The following RNF216 variants were observed in gnomAD, a reference collection of about 807,000 sequenced individuals.
RNF216 encodes E3 ubiquitin-protein ligase RNF216.
A neutral mutation model predicts 110.8 loss-of-function variants in RNF216; 72 were observed. That is an observed-to-expected ratio of 0.65 (90% CI 0.54 to 0.79). RNF216 has a LOEUF of 0.79. RNF216 is among the 30% of genes least tolerant of loss of function. The probability of loss-of-function intolerance (pLI) is 0.00; values close to 1 mark genes in which losing one functional copy is unlikely to be tolerated. For missense variants in RNF216, 1,342 were observed against 1,141.2 expected (o/e 1.18, Z -2.54); for synonymous variants, 495 against 407.5 (o/e 1.21, Z -2.59).
In RNF216 at chr7:5,752,947, T is replaced by C. The variant is rs61753532; in HGVS notation, c.100A>G (p.Ile34Val). ...CTTTCCTCATCTGAGGAGTCAGATA[T>C]GGTGATGGGCCCATCTCGGAGATTG... Reference protein sequence around the residue: ...WINLRDGPITISDSSDEERIP... With the variant: ...WINLRDGPITVSDSSDEERIP... Residue 34 changes from isoleucine (I) to valine (V), a missense_variant, in exon 3 of 17, where the codon ATA becomes GTA. Physicochemically the swap from Ile to Val is conservative, Grantham distance 29 (BLOSUM62 3). Transcript: ENST00000389902. 5.6e-6 allele frequency: 9 copies of C among 1,611,832 alleles called. No homozygotes were observed. Among genetic ancestry groups the C allele is most frequent in the African/African-American group, 1.3e-5 (1 of 74,896 alleles).
chr7:5,716,805 A>G (rs751484279), intron 9 of RNF216, 39 bp from the exon 10 acceptor site: 2 of 1,532,564 alleles, frequency 1.3e-6, no homozygotes, highest in South Asian at 1.2e-5. Flanking sequence ...ACACAAATTT[A>G]GTAAAAATGA....
intron 4 of RNF216, 122 bp from the exon 5 acceptor site, chr7:5,739,474 G>T (rs767134350): frequency 1.0e-6 from 1 of 959,974 alleles, no homozygotes; most frequent in African/African-American, 1.6e-5. Context: ...CTGTGAAGCA[G>T]GTCTGTGTGT....
At chr7:5,654,143 G>A (rs563611135) in intron 13 of RNF216, among the ~76,000 whole-genome samples, 23 of 152,286 alleles carry the variant, frequency 1.5e-4, no homozygotes, top group African/African-American at 5.3e-4. Flanking sequence ...TCAGGAGAGA[G>A]GCCATGAAGG....
At chr7:5,747,481 C>A (rs1201316747) in intron 3 of RNF216, among the ~76,000 whole-genome samples, 3 of 152,158 alleles carry the variant, frequency 2.0e-5, no homozygotes, top group African/African-American at 7.2e-5. Context: ...CAGACGTGAC[C>A]CTTAGAAAGC....
At chr7:5,769,041 GAT>G (rs1479218744) in intron 1 of RNF216, among the ~76,000 whole-genome samples, 1 of 150,682 alleles carries the variant, frequency 6.6e-6, no homozygotes, top group African/African-American at 2.4e-5. Context: ...TAAACTGAAA[GAT>G]AATGAAAACA....
intron 1 of RNF216, among the ~76,000 whole-genome samples, chr7:5,767,922 G>A (rs1423783354): frequency 4.6e-5 from 7 of 152,070 alleles, no homozygotes; most frequent in Non-Finnish European, 7.4e-5. Flanking sequence ...TAAAGGTCAA[G>A]CCCAACCAAA....
rs1283021845 is a variant in RNF216 at position 5,771,406 on chromosome 7, C to A, written c.-70+10135G>T. On this transcript the variant is annotated intron_variant, in intron 1 of 16. Coordinates refer to ENST00000389902, the MANE Select transcript of RNF216 (RefSeq NM_207111.4). ...TAAAAGAAAAAACTGAAACACTATA[C>A]ATTAAAATTAAGCATGTCTACTCAC... Among the ~76,000 whole-genome samples the A allele has an allele frequency of 3.3e-5, 5 of 152,128 alleles. No homozygotes were observed. The East Asian group carries it at 7.7e-4, about 23-fold the overall frequency.
intron 10 of RNF216, 39 bp downstream of exon 10, chr7:5,716,677 G>A: frequency 6.5e-7 from 1 of 1,529,724 alleles, no homozygotes; most frequent in Non-Finnish European, 8.9e-7. Context: ...AACAGCCCAT[G>A]AAAATGCCCA....
chr7:5,732,180 TG>T (rs1267206191), intron 5 of RNF216, among the ~76,000 whole-genome samples: 1 of 152,194 alleles, frequency 6.6e-6, no homozygotes, highest in Admixed American at 6.5e-5. Context: ...TTGTCATCAG[TG>T]GTAATTCTCC....
intron 1 of RNF216, among the ~76,000 whole-genome samples, 152 bp downstream of exon 1, chr7:5,781,389 C>A (rs1797081982): frequency 6.6e-6 from 1 of 151,892 alleles, no homozygotes; most frequent in Non-Finnish European, 1.5e-5. Context: ...CGATCCCGCC[C>A]GGGCCTCGGC....
intron 1 of RNF216, among the ~76,000 whole-genome samples, chr7:5,773,304 GCA>G: frequency 6.7e-6 from 1 of 149,914 alleles, no homozygotes; most frequent in South Asian, 2.1e-4. Context: ...GTGCAGTGGT[GCA>G]ATCTCAGCTC....
intron 1 of RNF216, among the ~76,000 whole-genome samples, chr7:5,774,807 G>T (rs1796687092): frequency 6.6e-6 from 1 of 151,834 alleles, no homozygotes; most frequent in Non-Finnish European, 1.5e-5. Flanking sequence ...TGCCCAGGCT[G>T]GAGTGCAATG....
intron 13 of RNF216, among the ~76,000 whole-genome samples, chr7:5,701,552 C>T (rs910713530): frequency 2.0e-5 from 3 of 152,220 alleles, no homozygotes; most frequent in Non-Finnish European, 2.9e-5. Flanking sequence ...AAAAGCTCTA[C>T]GAGGTAGGTG....
In RNF216 at chr7:5,689,434, C is replaced by T. The variant is rs201147881; in HGVS notation, c.2061+22327G>A. Reference sequence around the variant, plus strand: ...ATCCAAAGCCGAGGAGGCAGGGCGCCTAGAAACCCACATCCCTTCTGTTGT... The same window carrying T: ...ATCCAAAGCCGAGGAGGCAGGGCGCTTAGAAACCCACATCCCTTCTGTTGT... On this transcript the variant is annotated intron_variant, in intron 13 of 16. Coordinates refer to ENST00000389902, the MANE Select transcript of RNF216 (RefSeq NM_207111.4). Among the ~76,000 whole-genome samples, 4 of 150,922 alleles carry T rather than the reference C, an allele frequency of 2.7e-5. No individual in the cohort carries two copies. In the East Asian group the frequency reaches 7.8e-4, roughly 29 times the overall value.
chr7:5,673,403 G>T (rs1244463498), intron 13 of RNF216, among the ~76,000 whole-genome samples: 1 of 152,228 alleles, frequency 6.6e-6, no homozygotes, highest in African/African-American at 2.4e-5. Context: ...GCAGGCAGGT[G>T]GGGGACTGGC....
At chr7:5,632,316 C>T (rs1432967932) in intron 15 of RNF216, among the ~76,000 whole-genome samples, 1 of 152,182 alleles carries the variant, frequency 6.6e-6, no homozygotes, top group East Asian at 1.9e-4. Context: ...CTGGCACAGG[C>T]CTTAAGAAGG....
intron 13 of RNF216, among the ~76,000 whole-genome samples, chr7:5,676,097 C>G (rs963989568): frequency 6.6e-6 from 1 of 151,864 alleles, no homozygotes; most frequent in Non-Finnish European, 1.5e-5. Flanking sequence ...CTGTAACCTT[C>G]GTCTCCCAGG....
At chr7:5,637,740 A>G (rs938655358) in intron 15 of RNF216, among the ~76,000 whole-genome samples, 2 of 152,174 alleles carry the variant, frequency 1.3e-5, no homozygotes, top group African/African-American at 4.8e-5. Flanking sequence ...GAGTTTTGCC[A>G]TGTTTCCAAA....
chr7:5,743,961 A>C (rs1200322260), intron 3 of RNF216, among the ~76,000 whole-genome samples: 2 of 152,256 alleles, frequency 1.3e-5, no homozygotes, highest in African/African-American at 4.8e-5. Context: ...ACAGAATCCC[A>C]AAATTTTCAT....
Sources: gnomAD v4.1 joint callset for allele counts (sites outside exome capture counted in the v4.1 genomes callset) on GRCh38, gnomAD v4.1.1 for gene constraint, MANE v1.5 for transcripts, NCBI Gene and HGNC (gene_info 2026-07-23, HGNC 2026-07-21) for gene names.